Variants in UBOX5 observed in about 807,000 individuals in gnomAD.
UBOX5 encodes the protein U-box domain containing 5.
Under a neutral mutation model 39.0 loss-of-function variants are expected in UBOX5, and 28 were observed. The observed-to-expected ratio is 0.72, with a 90% CI of 0.53 to 0.98. UBOX5 has a LOEUF of 0.98. Among genes scored for constraint, UBOX5 ranks in the 50% least tolerant of loss-of-function variants. The probability of loss-of-function intolerance (pLI) is 0.00; values close to 1 mark genes in which losing one functional copy is unlikely to be tolerated. For missense variants in UBOX5, 585 were observed against 674.4 expected, an observed-to-expected ratio of 0.87 and a Z score of 1.47; for synonymous variants, 283 against 275.5, an observed-to-expected ratio of 1.03 and a Z score of -0.27.
intron 1 of UBOX5, chr20:3,151,914 G>A (rs1166805864): frequency 6.6e-6 from 1 of 151,462 alleles, no homozygotes; most frequent in Non-Finnish European, 1.5e-5. Flanking sequence ...AGACCAGCCT[G>A]GCCATCATGG....
chr20:3,109,946 A>AT lies in UBOX5; in HGVS notation c.*159_*160insA. On this transcript the variant is annotated 3_prime_UTR_variant, in exon 5 of 5. Transcript: ENST00000217173. ...TGTTGCCCTATTGCCACCAGCGCAG[A>AT]AGCAATGTGCTATACCGTGAGGTGA... is the stretch of plus-strand genomic sequence containing the variant. 2 of 798,592 alleles carry AT rather than the reference A, an allele frequency of 2.5e-6. No individual in the cohort carries two copies. Among genetic ancestry groups the AT allele is most frequent in the Non-Finnish European group, 3.9e-6 (2 of 508,136 alleles). 49.5% of individuals were successfully genotyped at this position (798,592 alleles called of 1,614,324 possible). A position where few individuals can be genotyped will look rare whatever the true frequency, so the allele number is the denominator to read the frequency against.
In UBOX5 at chr20:3,109,785, G is replaced by T. The variant is rs1245107466; in HGVS notation, c.*321C>A. The T allele has an allele frequency of 1.0e-5, 4 of 397,298 alleles. No homozygotes were observed. Among genetic ancestry groups the T allele is most frequent in the Non-Finnish European group, 1.9e-5 (4 of 211,062 alleles). The allele number at this position is 397,298 out of a possible 1,614,324, so 24.6% of individuals were successfully genotyped here. On this transcript the variant is annotated 3_prime_UTR_variant, in exon 5 of 5. Transcript: ENST00000217173. Reference sequence around the variant, plus strand: ...CCACAGTGCCCTGCTGGACAGGGGGGTATGCGGACTGCACGGGGGGGCCCT... The same window carrying T: ...CCACAGTGCCCTGCTGGACAGGGGGTTATGCGGACTGCACGGGGGGGCCCT...
chr20:3,148,121 T>C, intron 1 of UBOX5: 1 of 1,613,930 alleles, frequency 6.2e-7, no homozygotes, highest in Non-Finnish European at 8.5e-7. Flanking sequence ...GGTACCAACC[T>C]CCTCCAAATT....
chr20:3,147,908 A>G (rs2148619955), intron 1 of UBOX5: 3 of 1,614,240 alleles, frequency 1.9e-6, no homozygotes, highest in Non-Finnish European at 2.5e-6. Flanking sequence ...TTGAACTCCC[A>G]GGGAAGGAAT....
chr20:3,108,936 T>TA lies in UBOX5; in HGVS notation c.*1169dup, dbSNP rs11480926. On this transcript the variant is annotated 3_prime_UTR_variant, in exon 5 of 5. Coordinates refer to ENST00000217173, the MANE Select transcript of UBOX5 (RefSeq NM_014948.4). ...CAACAGAGACCAACCCTGTCTCAAT[T>TA]AAAAAAAAAAAAAAAAAAGCAACTA... 69,634 of 122,042 alleles carry TA rather than the reference T, an allele frequency of 0.57. 19,717 individuals carry two copies. Among genetic ancestry groups the TA allele is most frequent in the East Asian group, 0.97 (4,086 of 4,224 alleles). 7.6% of individuals were successfully genotyped at this position (122,042 alleles called of 1,614,324 possible).
chr20:3,146,070 G>A (rs914817351), intron 1 of UBOX5, among the ~76,000 whole-genome samples: 25 of 150,664 alleles, frequency 1.7e-4, no homozygotes, highest in Admixed American at 4.6e-4. Context: ...GGCCAGACGC[G>A]GTGGCTCACA....
intron 1 of UBOX5, among the ~76,000 whole-genome samples, chr20:3,126,489 C>A (rs2066389292): frequency 7.0e-6 from 1 of 143,534 alleles, no homozygotes; most frequent in Non-Finnish European, 1.5e-5. Flanking sequence ...CCGAGAAACA[C>A]CCAAGAATGA....
At chr20:3,126,370 C>CGGAA (rs1036365019) in intron 1 of UBOX5, among the ~76,000 whole-genome samples, 2 of 151,972 alleles carry the variant, frequency 1.3e-5, no homozygotes, top group African/African-American at 4.8e-5. Context: ...ACAAACACTG[C>CGGAA]GGAAGGCCGC....
intron 1 of UBOX5, among the ~76,000 whole-genome samples, chr20:3,140,994 C>T (rs1416530923): frequency 6.7e-6 from 1 of 149,106 alleles, no homozygotes; most frequent in East Asian, 2.0e-4. Flanking sequence ...TCTCAGCTCA[C>T]TGCAACCTCT....
intron 1 of UBOX5, among the ~76,000 whole-genome samples, chr20:3,132,108 G>A (rs1291008053): frequency 3.3e-5 from 5 of 151,404 alleles, no homozygotes; most frequent in East Asian, 3.9e-4. Context: ...CCAGGAGTTC[G>A]AGACCAGCCT....
intron 1 of UBOX5, chr20:3,147,594 C>G: frequency 6.2e-7 from 1 of 1,614,128 alleles, no homozygotes; most frequent in Non-Finnish European, 8.5e-7. Context: ...GGACTGAGAG[C>G]GAAATCAATT....
At chr20:3,152,164 C>G (rs980906637) in intron 1 of UBOX5, among the ~76,000 whole-genome samples, 4 of 150,154 alleles carry the variant, frequency 2.7e-5, no homozygotes, top group African/African-American at 9.8e-5. Flanking sequence ...AACTCTCCAG[C>G]TGACAGAACA....
intron 1 of UBOX5, among the ~76,000 whole-genome samples, chr20:3,158,407 A>G (rs1054757674): frequency 2.0e-5 from 3 of 152,238 alleles, no homozygotes; most frequent in African/African-American, 7.2e-5. Context: ...TAACTGCCAA[A>G]GGCCTCACTT....
intron 1 of UBOX5, among the ~76,000 whole-genome samples, chr20:3,145,178 G>T (rs1255842755): frequency 6.6e-6 from 1 of 151,308 alleles, no homozygotes; most frequent in Non-Finnish European, 1.5e-5. Context: ...TTTTTGACAG[G>T]GTCTCACTCT....
chr20:3,147,962 T>C lies in UBOX5; in HGVS notation c.-42+11804A>G. The C allele has an allele frequency of 2.5e-6, 4 of 1,614,216 alleles. No homozygotes were observed. The South Asian group carries it at 4.4e-5, about 18-fold the overall frequency. ...TCCAATCTGCTTCATGAAATTGATG[T>C]GATCCACGTGAGTGAAACGGAACAT... On this transcript the variant is annotated intron_variant, in intron 1 of 4. Coordinates refer to ENST00000217173, the MANE Select transcript of UBOX5 (RefSeq NM_014948.4).
intron 1 of UBOX5, among the ~76,000 whole-genome samples, chr20:3,127,809 T>C (rs1600382296): frequency 1.3e-5 from 2 of 152,152 alleles, no homozygotes; most frequent in South Asian, 2.1e-4. Context: ...AGGGTGTGTA[T>C]GTGTGTGTGG....
intron 1 of UBOX5, among the ~76,000 whole-genome samples, chr20:3,133,197 T>C (rs2066443402): frequency 6.6e-6 from 1 of 152,194 alleles, no homozygotes; most frequent in South Asian, 2.1e-4. Context: ...AAGTCTTTAA[T>C]AGGTATAATC....
intron 1 of UBOX5, among the ~76,000 whole-genome samples, chr20:3,137,411 G>C (rs1254573310): frequency 2.0e-5 from 3 of 152,062 alleles, no homozygotes; most frequent in Non-Finnish European, 4.4e-5. Flanking sequence ...TGAGATTACA[G>C]GTGCCCGCCA....
At chr20:3,127,849 T>C (rs1184332124) in intron 1 of UBOX5, among the ~76,000 whole-genome samples, 1 of 152,200 alleles carries the variant, frequency 6.6e-6, no homozygotes, top group African/African-American at 2.4e-5. Context: ...TGTACATAAG[T>C]AGGTTATACT....
Sources: allele counts gnomAD v4.1 joint callset (sites outside exome capture counted in the v4.1 genomes callset), GRCh38; gene constraint gnomAD v4.1.1; transcripts MANE v1.5; gene names NCBI Gene and HGNC (gene_info 2026-07-23, HGNC 2026-07-21).